SAMSN1: variants seen among roughly 807,000 people sequenced by gnomAD.
SAMSN1 encodes the protein SAM domain, SH3 domain and nuclear localization signals 1, also known as SAM domain-containing protein SAMSN-1.
SAMSN1 carries 31 observed loss-of-function variants against 42.0 expected under a neutral mutation model. The observed-to-expected ratio is 0.74, with a 90% CI of 0.55 to 1.00. SAMSN1 has a LOEUF of 1.00. Among genes scored for constraint, SAMSN1 ranks in the 50% least tolerant of loss-of-function variants. The pLI is 0.00. For missense variants in SAMSN1, 464 were observed against 439.4 expected (o/e 1.06, Z -0.50); for synonymous variants, 178 against 151.9 (o/e 1.17, Z -1.26).
intron 2 of SAMSN1, among the ~76,000 whole-genome samples, chr21:14,519,480 TTCTC>T (rs995283216): frequency 7.2e-5 from 11 of 151,920 alleles, no homozygotes; most frequent in East Asian, 1.9e-4. Context: ...TATATACAGT[TTCTC>T]TCTCTCTCCA....
chr21:14,512,457 T>C lies in SAMSN1; in HGVS notation c.396A>G (p.Gly132=), dbSNP rs1404121354. Residue 132 remains glycine (G), a synonymous_variant, in exon 4 of 8, where the codon GGA becomes GGG. Transcript: ENST00000400566. ...ASDSMDSLYS[G]QSSSSGITSC... The stretch of plus-strand genomic sequence containing the variant: ...CATTAGCCTTACTTGATGAGCTCTG[T>C]CCACTGTAGAGACTATCCATGGAGT... 6 of 1,614,016 alleles carry C rather than the reference T, an allele frequency of 3.7e-6. No homozygotes were observed. Among genetic ancestry groups the C allele is most frequent in the East Asian group, 2.2e-5 (1 of 44,880 alleles).
intron 2 of SAMSN1, among the ~76,000 whole-genome samples, chr21:14,631,135 A>T (rs1158052291): frequency 6.6e-6 from 1 of 152,108 alleles, no homozygotes; most frequent in Non-Finnish European, 1.5e-5. Flanking sequence ...CATCATTTTT[A>T]ACTCTATTTC....
At chr21:14,520,874 C>G (rs530112369) in intron 2 of SAMSN1, among the ~76,000 whole-genome samples, 1 of 151,904 alleles carries the variant, frequency 6.6e-6, no homozygotes, top group South Asian at 2.1e-4. Context: ...GTTGAGAGTT[C>G]CTCTTTTTTT....
At chr21:14,494,463 GAAA>G (rs1986825804) in intron 7 of SAMSN1, among the ~76,000 whole-genome samples, 2 of 152,222 alleles carry the variant, frequency 1.3e-5, no homozygotes, top group South Asian at 4.1e-4. Context: ...CACAGGAACA[GAAA>G]ACCAAACACA....
In SAMSN1 at chr21:14,616,545, A is replaced by G. The variant is rs1383051257; in HGVS notation, c.157-529T>C. ...CTGACATTTTTCTTCAGATCAAGTG[A>G]CCATTGTGTAAAATCCCTTACACTT... On this transcript the variant is annotated intron_variant, in intron 2 of 15. Transcript: ENST00000647101. 4.6e-5 allele frequency among the ~76,000 whole-genome samples: 7 copies of G among 152,286 alleles called. No homozygotes were observed. The East Asian group carries it at 1.2e-3, about 25-fold the overall frequency.
chr21:14,582,034 A>T, intron 2 of SAMSN1: 1 of 1,171,310 alleles, frequency 8.5e-7, no homozygotes. Context: ...AACTTTTCTG[A>T]AACTGATAAA....
In SAMSN1 at chr21:14,574,737, A is replaced by G. The variant is rs117111488; in HGVS notation, c.261+7399T>C. Among the ~76,000 whole-genome samples the G allele has an allele frequency of 3.9e-3, 588 of 152,294 alleles. 3 individuals are homozygous for G. The highest frequency in any genetic ancestry group is 6.1e-3 in the Non-Finnish European group (414 of 68,014). ...CTCATTTTATCTTTATTTTTATTGT[A>G]AAATGTTTTATTGGAAAAGACACTT... On this transcript the variant is annotated intron_variant, in intron 2 of 8. Coordinates refer to the SAMSN1 transcript ENST00000285670.
At chr21:14,631,058 T>C (rs750166840) in intron 2 of SAMSN1, among the ~76,000 whole-genome samples, 2 of 152,156 alleles carry the variant, frequency 1.3e-5, no homozygotes, top group Non-Finnish European at 2.9e-5. Context: ...TCTAAGTGGT[T>C]TTTTAAGACC....
At chr21:14,631,106 ATCT>A (rs1983316297) in intron 2 of SAMSN1, among the ~76,000 whole-genome samples, 1 of 152,182 alleles carries the variant, frequency 6.6e-6, no homozygotes, top group Non-Finnish European at 1.5e-5. Context: ...CAGTGACAAC[ATCT>A]TAAACACCTC....
intron 1 of SAMSN1, among the ~76,000 whole-genome samples, chr21:14,654,811 T>G (rs1983891613): frequency 1.3e-5 from 2 of 151,754 alleles, no homozygotes; most frequent in Non-Finnish European, 2.9e-5. Flanking sequence ...CATGAGATTT[T>G]TTGCCTCACT....
chr21:14,646,026 C>T lies in SAMSN1; in HGVS notation c.25-2893G>A, dbSNP rs375647780. ...CGCAACTACAGGATCTAGAAAATTGCCTCAAAAGGGCAAATCTAAGAGTTA... is the reference window on the plus strand; with the variant it reads ...CGCAACTACAGGATCTAGAAAATTGTCTCAAAAGGGCAAATCTAAGAGTTA... On this transcript the variant is annotated intron_variant, in intron 1 of 15. Coordinates refer to the SAMSN1 transcript ENST00000647101. Among the ~76,000 whole-genome samples, 9 of 152,072 alleles carry T rather than the reference C, an allele frequency of 5.9e-5. No homozygotes were observed. In the South Asian group the frequency reaches 1.9e-3, roughly 32 times the overall value.
At chr21:14,584,360 A>G (rs962790644), upstream of SAMSN1, among the ~76,000 whole-genome samples, 8 of 152,232 alleles carry the variant, frequency 5.3e-5, no homozygotes, top group Non-Finnish European at 1.2e-4. Flanking sequence ...TAGCCACAGC[A>G]TACCACATCA....
At chr21:14,514,153 T>C (rs908929742) in intron 3 of SAMSN1, among the ~76,000 whole-genome samples, 5 of 152,202 alleles carry the variant, frequency 3.3e-5, no homozygotes, top group African/African-American at 1.2e-4. Context: ...CCTCCATCAA[T>C]CTGACCAAAG....
chr21:14,627,368 A>G (rs113732834), intron 2 of SAMSN1, among the ~76,000 whole-genome samples: 2,546 of 152,316 alleles, frequency 0.017, 72 homozygotes, highest in African/African-American at 0.059. Flanking sequence ...TAAAAGTCAT[A>G]TAAACATTTA....
intron 2 of SAMSN1, among the ~76,000 whole-genome samples, chr21:14,577,762 C>T (rs1981555879): frequency 6.6e-6 from 1 of 152,196 alleles, no homozygotes; most frequent in African/African-American, 2.4e-5. Context: ...CAACACCACT[C>T]ATCTCAGATG....
intron 1 of SAMSN1, among the ~76,000 whole-genome samples, chr21:14,531,616 T>C (rs1257820124): frequency 1.3e-5 from 2 of 152,172 alleles, no homozygotes; most frequent in Non-Finnish European, 2.9e-5. Flanking sequence ...AAACTTTAGT[T>C]TCCTGAAATA....
At chr21:14,582,408 T>C (rs1568818832) in exon 2 of SAMSN1, 1 of 1,549,804 alleles carries the variant, frequency 6.5e-7, no homozygotes, top group Admixed American at 2.0e-5. Flanking sequence ...TCTTCCTTCC[T>C]CCTCGTGCTA....
chr21:14,652,165 A>G (rs1983847192), intron 1 of SAMSN1, among the ~76,000 whole-genome samples: 1 of 152,080 alleles, frequency 6.6e-6, no homozygotes, highest in Admixed American at 6.6e-5. Flanking sequence ...TACCAGTGAC[A>G]TTCTTCACAG....
At chr21:14,510,861 G>A (rs1013231698) in intron 4 of SAMSN1, among the ~76,000 whole-genome samples, 1 of 152,210 alleles carries the variant, frequency 6.6e-6, no homozygotes, top group Non-Finnish European at 1.5e-5. Flanking sequence ...TGTCATAACA[G>A]GTGGCACTTT....
Sources: allele counts gnomAD v4.1 joint callset (sites outside exome capture counted in the v4.1 genomes callset), GRCh38; gene constraint gnomAD v4.1.1; transcripts MANE v1.5; gene names NCBI Gene and HGNC (gene_info 2026-07-23, HGNC 2026-07-21).